Variants in TJP3 observed in about 807,000 individuals in gnomAD.
TJP3 encodes the protein tight junction protein ZO-3.
In TJP3, 85 loss-of-function variants were observed where a neutral mutation model predicts 104.2. The ratio of observed to expected loss-of-function variants is 0.82; its 90% CI spans 0.68 to 0.98. TJP3 has a LOEUF of 0.98. Ranked by LOEUF, TJP3 falls within the 50% of genes least tolerant of loss-of-function variation. TJP3 has a pLI of 0.00. For synonymous variants in TJP3, 550 were observed against 550.6 expected, an observed-to-expected ratio of 1.00 and a Z score of 0.02; for missense variants, 1,367 against 1,322.8, an observed-to-expected ratio of 1.03 and a Z score of -0.52.
At position 3,730,260 on chromosome 19, in the gene TJP3, GA is replaced by G; in HGVS notation, c.262-94del. On this transcript the variant is annotated intron_variant, in intron 4 of 20. Transcript: ENST00000541714. This position sits in a 1 kb window ranked among gnomAD's most constrained non-coding sequence, Gnocchi z 7.3. ...TACAGTTTGGACATTGAGGCCCAGA[GA>G]GAGACTGGTGTCCCCCAGGGCCACC... is the stretch of plus-strand genomic sequence containing the variant. The G allele has an allele frequency of 6.7e-7, 1 of 1,485,874 alleles. No homozygotes were observed. Among genetic ancestry groups the G allele is most frequent in the Non-Finnish European group, 9.2e-7 (1 of 1,090,358 alleles). 92.0% of individuals were successfully genotyped at this position (1,485,874 alleles called of 1,614,324 possible).
At chr19:3,731,124 C>T (rs1185549644) in intron 5 of TJP3, among the ~76,000 whole-genome samples, 1 of 152,176 alleles carries the variant, frequency 6.6e-6, no homozygotes, top group Non-Finnish European at 1.5e-5. Flanking sequence ...ACCTGGTGGT[C>T]CCTAATTCTG....
In TJP3 at chr19:3,740,592, G is replaced by C. The variant is rs779046384; in HGVS notation, c.1672G>C (p.Val558Leu). 12 of 1,540,936 alleles carry C rather than the reference G, an allele frequency of 7.8e-6. No individual in the cohort carries two copies. In the Admixed American group the frequency reaches 2.4e-4, roughly 31 times the overall value. ...CAGCCTGGAAGCTGCCCAGAGGGCC[G>C]TGGGAGTCGGGCCCGGCTCCTCCGC... ...LASLEAAQRA[V>L]GVGPGSSAGS... The change falls in exon 14 of 21, where the codon GTG becomes CTG. Residue 558 changes from valine (V) to leucine (L), a missense_variant. Physicochemically the swap from Val to Leu is conservative, Grantham distance 32. Transcript: ENST00000541714.
Position 3,719,185 on chromosome 19 carries a change from G to T in TJP3, c.-9-9239G>T, listed in dbSNP as rs537462454. Among the ~76,000 whole-genome samples the T allele has an allele frequency of 2.0e-5, 3 of 152,100 alleles. No individual in the cohort carries two copies. The South Asian group carries it at 6.2e-4, about 32-fold the overall frequency. ...GTGACAGAATGAGTGTCCGTCTTGG[G>T]GGGTGGTGGACATCGCTGGACCTTA... On this transcript the variant is annotated intron_variant, in intron 1 of 20. Coordinates refer to ENST00000541714, the MANE Select transcript of TJP3 (RefSeq NM_001267560.2).
At chr19:3,744,158 C>G in intron 15 of TJP3, 124 bp downstream of exon 15, 1 of 777,758 alleles carries the variant, frequency 1.3e-6, no homozygotes, top group Non-Finnish European at 2.1e-6. Flanking sequence ...CACCAGTGCC[C>G]CCCCCAATAC....
intron 6 of TJP3, among the ~76,000 whole-genome samples, chr19:3,733,354 T>A (rs1326702627): frequency 1.3e-5 from 2 of 152,192 alleles, no homozygotes; most frequent in Non-Finnish European, 2.9e-5. Context: ...CTGTTTCTAG[T>A]TATCTCCCAG....
In TJP3 at chr19:3,731,984, T is replaced by G; in HGVS notation, c.663T>G (p.Asp221Glu). ...AGATCTTCATCAAGCACATTACAGA[T>G]TCGGGCCTGGCTGCCCGGCACCGTG... ...GSQIFIKHIT[D>E]SGLAARHRGL... Residue 221 changes from aspartate to glutamate, a missense_variant, in exon 6 of 21, where the codon GAT (aspartate) becomes GAG (glutamate). Transcript: ENST00000541714. 1.2e-6 allele frequency: 2 copies of G among 1,613,696 alleles called. No individual in the cohort carries two copies. The highest frequency in any genetic ancestry group is 1.7e-6 in the Non-Finnish European group (2 of 1,179,882).
chr19:3,735,545 T>G (rs767097127), intron 8 of TJP3, 21 bp from the exon 9 acceptor site: 1 of 1,613,502 alleles, frequency 6.2e-7, no homozygotes, highest in Non-Finnish European at 8.5e-7. Flanking sequence ...CCTGCCTCAC[T>G]CCCAATCTGT....
chr19:3,712,054 G>A (rs142551702), intron 1 of TJP3, among the ~76,000 whole-genome samples: 3,907 of 152,164 alleles, frequency 0.026, 85 homozygotes, highest in Non-Finnish European at 0.037. Context: ...GGTGGCTCAC[G>A]CCTGTAATCC....
intron 8 of TJP3, 91 bp downstream of exon 8, chr19:3,734,526 G>A: frequency 8.5e-7 from 1 of 1,173,278 alleles, no homozygotes; most frequent in Non-Finnish European, 1.2e-6. Context: ...CCAACTGGGG[G>A]TAACCTTGAG....
intron 12 of TJP3, 74 bp downstream of exon 12, chr19:3,738,737 G>C: frequency 7.0e-7 from 1 of 1,423,102 alleles, no homozygotes; most frequent in Non-Finnish European, 9.8e-7. Flanking sequence ...GGTGGTGAGT[G>C]CAGGGATGTG....
At chr19:3,712,949 CAA>C (rs72344854) in intron 1 of TJP3, among the ~76,000 whole-genome samples, 3,006 of 136,696 alleles carry the variant, frequency 0.022, 51 homozygotes, top group Non-Finnish European at 0.035. Flanking sequence ...GACTCTGTCT[CAA>C]AAAAAAAAAA....
intron 3 of TJP3, 73 bp downstream of exon 3, chr19:3,728,786 C>A: frequency 6.7e-7 from 1 of 1,499,178 alleles, no homozygotes; most frequent in East Asian, 2.3e-5. Context: ...GGCACAGTGA[C>A]TCACACCCGT....
At chr19:3,718,931 C>G (rs562728331) in intron 1 of TJP3, among the ~76,000 whole-genome samples, 1 of 152,132 alleles carries the variant, frequency 6.6e-6, no homozygotes, top group East Asian at 1.9e-4. Context: ...CGCCTGTAAT[C>G]CCAACACTTT....
At chr19:3,742,155 C>T (rs1004802268) in intron 14 of TJP3, among the ~76,000 whole-genome samples, 10 of 151,626 alleles carry the variant, frequency 6.6e-5, no homozygotes, top group African/African-American at 2.2e-4. Context: ...CTTCTTTGAC[C>T]GGGCGTGGTG....
At chr19:3,725,295 C>T (rs2036585561) in intron 1 of TJP3, among the ~76,000 whole-genome samples, 1 of 151,436 alleles carries the variant, frequency 6.6e-6, no homozygotes. Context: ...AACCAACCAA[C>T]CAAAAAAGAG....
chr19:3,710,861 C>T (rs2036427275), intron 1 of TJP3, among the ~76,000 whole-genome samples: 1 of 152,090 alleles, frequency 6.6e-6, no homozygotes, highest in African/African-American at 2.4e-5. Context: ...CCAATGGCTG[C>T]ACAGAGGGTA....
rs143648783 is a variant in TJP3 at position 3,736,269 on chromosome 19, C to T, written c.1232C>T (p.Ala411Val). 8.6e-5 allele frequency: 133 copies of T among 1,543,796 alleles called. No homozygotes were observed. The highest frequency in any genetic ancestry group is 1.1e-4 in the Non-Finnish European group (125 of 1,148,234). ...GGCATCTTCGTGTCCGGGGTGCAGGCGGGCAGCCCGGCCGACGGGCAGGGC... is the reference window on the plus strand; with the variant it reads ...GGCATCTTCGTGTCCGGGGTGCAGGTGGGCAGCCCGGCCGACGGGCAGGGC... Reference protein sequence around the residue: ...DVGIFVSGVQAGSPADGQGIQ... With the variant: ...DVGIFVSGVQVGSPADGQGIQ... The change falls in exon 11 of 21, where the codon GCG becomes GTG. Residue 411 changes from alanine to valine, a missense_variant. Transcript: ENST00000541714.
chr19:3,733,443 C>T (rs2036697956), intron 6 of TJP3, among the ~76,000 whole-genome samples: 1 of 152,204 alleles, frequency 6.6e-6, no homozygotes, highest in South Asian at 2.1e-4. Flanking sequence ...ATGTCACCCT[C>T]ACATCTGTTC....
intron 1 of TJP3, among the ~76,000 whole-genome samples, chr19:3,715,894 T>C (rs958854940): frequency 2.1e-4 from 32 of 152,220 alleles, no homozygotes; most frequent in African/African-American, 7.7e-4. Context: ...CTCTCCTGCC[T>C]CGGCCTCCCG....
Sources: gnomAD v4.1 joint callset for allele counts (sites outside exome capture counted in the v4.1 genomes callset) on GRCh38, gnomAD v4.1.1 for gene constraint, Gnocchi (gnomAD v3.1) non-coding constraint, MANE v1.5 for transcripts, NCBI Gene and HGNC (gene_info 2026-07-23, HGNC 2026-07-21) for gene names.